Variants in SPI1 observed in about 807,000 individuals in gnomAD.
The protein encoded by SPI1 is transcription factor PU.1.
SPI1 carries 3 observed loss-of-function variants against 30.7 expected under a neutral mutation model. The ratio of observed to expected loss-of-function variants is 0.10; its 90% CI spans 0.04 to 0.25. SPI1 has a LOEUF of 0.25. Ranked by LOEUF, SPI1 falls within the 10% of genes least tolerant of loss-of-function variation. SPI1 has a pLI of 1.00. For missense variants in SPI1, 261 were observed against 371.5 expected (o/e 0.70, Z 2.45); for synonymous variants, 169 against 157.1 (o/e 1.08, Z -0.56).
chr11:47,372,893 C>T (rs2095937746), intron 2 of SPI1, among the ~76,000 whole-genome samples: 1 of 152,150 alleles, frequency 6.6e-6, no homozygotes, highest in Non-Finnish European at 1.5e-5. Flanking sequence ...GTTACTTGCC[C>T]CAAGTTTTCA....
intron 4 of SPI1, among the ~76,000 whole-genome samples, chr11:47,356,604 C>T (rs559781029): frequency 2.0e-5 from 3 of 151,296 alleles, no homozygotes; most frequent in Admixed American, 6.6e-5. Flanking sequence ...CATAATCACA[C>T]CTGCTTATAC....
chr11:47,357,085 C>A (rs1286030733), intron 4 of SPI1, among the ~76,000 whole-genome samples: 1 of 151,606 alleles, frequency 6.6e-6, no homozygotes, highest in African/African-American at 2.4e-5. Flanking sequence ...ACACTTCACA[C>A]ATGCTAACAC....
At chr11:47,362,279 G>A (rs1227930955) in intron 2 of SPI1, among the ~76,000 whole-genome samples, 4 of 152,008 alleles carry the variant, frequency 2.6e-5, no homozygotes, top group Non-Finnish European at 2.9e-5. Context: ...TTATTCTAAA[G>A]AGCCTAGATT....
At chr11:47,357,007 TCCTC>T (rs942552681) in intron 4 of SPI1, among the ~76,000 whole-genome samples, 17 of 144,936 alleles carry the variant, frequency 1.2e-4, no homozygotes, top group African/African-American at 4.4e-4. Flanking sequence ...TACACACACT[TCCTC>T]ACACACCTCA....
At chr11:47,366,569 A>G (rs1236879014) in intron 2 of SPI1, among the ~76,000 whole-genome samples, 1 of 152,140 alleles carries the variant, frequency 6.6e-6, no homozygotes, top group African/African-American at 2.4e-5. Context: ...AGACGTAGAA[A>G]CAGGCTCAGA....
chr11:47,373,609 C>T lies in SPI1; in HGVS notation c.142+2024G>A, dbSNP rs182765246. On this transcript the variant is annotated intron_variant, in intron 2 of 4. Coordinates refer to ENST00000378538, the MANE Select transcript of SPI1 (RefSeq NM_003120.3). Reference sequence around the variant, plus strand: ...GTTGCAGTGAGCCAAGATTGGGCCACTGCGCTCTAGCCTGGGCAACAGAGC... The same window carrying T: ...GTTGCAGTGAGCCAAGATTGGGCCATTGCGCTCTAGCCTGGGCAACAGAGC... Among the ~76,000 whole-genome samples the T allele has an allele frequency of 2.7e-3, 401 of 151,312 alleles. 2 individuals carry two copies. Among genetic ancestry groups the T allele is most frequent in the African/African-American group, 8.5e-3 (352 of 41,184 alleles).
At chr11:47,364,113 C>T (rs1300549401) in intron 2 of SPI1, among the ~76,000 whole-genome samples, 5 of 54,530 alleles carry the variant, frequency 9.2e-5, no homozygotes, top group African/African-American at 2.3e-4. Context: ...TGCAGTGGCA[C>T]GATCTTGGCT....
chr11:47,355,104 G>A lies in SPI1; in HGVS notation c.*123C>T, dbSNP rs1207207703. The A allele has an allele frequency of 4.2e-6, 3 of 714,086 alleles. No individual in the cohort carries two copies. 44.2% of individuals were successfully genotyped at this position (714,086 alleles called of 1,614,324 possible). On this transcript the variant is annotated 3_prime_UTR_variant, in exon 5 of 5. Transcript: ENST00000378538. ...TGGGGGGAGGGGGCGGGTGAGGCGAGGCCCGGCCCGCCACAGTCCTGCCTC... is the reference window on the plus strand; with the variant it reads ...TGGGGGGAGGGGGCGGGTGAGGCGAAGCCCGGCCCGCCACAGTCCTGCCTC...
chr11:47,372,614 G>A (rs779879674), intron 2 of SPI1, among the ~76,000 whole-genome samples: 1 of 152,154 alleles, frequency 6.6e-6, no homozygotes, highest in Non-Finnish European at 1.5e-5. Context: ...TGGATGTGGG[G>A]GTGGGTGGCA....
chr11:47,356,873 A>G (rs1419332932), intron 4 of SPI1, among the ~76,000 whole-genome samples: 1 of 138,398 alleles, frequency 7.2e-6, no homozygotes, highest in Non-Finnish European at 1.6e-5. Flanking sequence ...CACATCTCAC[A>G]TTACTCAGCT....
In SPI1 at chr11:47,360,049, G is replaced by T. The variant is rs777111732; in HGVS notation, c.143-9C>A. On this transcript the variant is annotated splice_polypyrimidine_tract_variant and intron_variant, in intron 2 of 4. Transcript: ENST00000378538. ...GAAGTCCCAGTAATGGTCTGTGGGG[G>T]ACAGCCAGGCAGTATGGGGTGAGCT... 5 of 1,546,236 alleles carry T rather than the reference G, an allele frequency of 3.2e-6. No homozygotes were observed.
chr11:47,355,914 G>A (rs146106334), intron 4 of SPI1, among the ~76,000 whole-genome samples: 227 of 143,600 alleles, frequency 1.6e-3, no homozygotes, highest in Middle Eastern at 4.2e-3. Context: ...CTCACACAAC[G>A]CACCTTCTCA....
intron 2 of SPI1, among the ~76,000 whole-genome samples, chr11:47,366,530 C>T (rs191304799): frequency 1.6e-4 from 24 of 152,186 alleles, no homozygotes; most frequent in African/African-American, 5.8e-4. Flanking sequence ...CTAGGGCTCC[C>T]GAAGCCCAGC....
chr11:47,367,344 A>T (rs2142891515), intron 2 of SPI1, among the ~76,000 whole-genome samples: 1 of 152,160 alleles, frequency 6.6e-6, no homozygotes, highest in East Asian at 1.9e-4. Flanking sequence ...ATTTTAGGTC[A>T]GGAGTTTGAG....
intron 2 of SPI1, among the ~76,000 whole-genome samples, chr11:47,371,857 C>T (rs1290192134): frequency 1.3e-5 from 2 of 152,164 alleles, no homozygotes; most frequent in Admixed American, 1.3e-4. Flanking sequence ...CCTTTGGCTT[C>T]CCTTTCTGTC....
In SPI1 at chr11:47,375,824, T is replaced by C; in HGVS notation, c.46-95A>G. On this transcript the variant is annotated intron_variant, in intron 1 of 4. Coordinates refer to ENST00000378538, the MANE Select transcript of SPI1 (RefSeq NM_003120.3). This position sits in a 1 kb window ranked among gnomAD's most constrained non-coding sequence, Gnocchi z 4.2. ...CACGCTGGGTCCCCATCACCTTCCC[T>C]GGCTCAGTGGCTGCGTTGGACCTAC... 1 of 948,990 alleles carries C rather than the reference T, an allele frequency of 1.1e-6. No individual in the cohort carries two copies. Among genetic ancestry groups the C allele is most frequent in the Non-Finnish European group, 1.7e-6 (1 of 580,052 alleles). The allele number at this position is 948,990 out of a possible 1,614,324, so 58.8% of individuals were successfully genotyped here.
At chr11:47,362,732 T>A (rs988982444) in intron 2 of SPI1, among the ~76,000 whole-genome samples, 2 of 151,954 alleles carry the variant, frequency 1.3e-5, no homozygotes, top group Non-Finnish European at 2.9e-5. Flanking sequence ...TGTACCACCA[T>A]GCCCAGCTAA....
intron 2 of SPI1, among the ~76,000 whole-genome samples, chr11:47,363,063 CTT>C (rs761531133): frequency 6.6e-6 from 1 of 152,116 alleles, no homozygotes; most frequent in Admixed American, 6.6e-5. Context: ...AGAGAAATAA[CTT>C]TAGGGGACCA....
chr11:47,358,800 A>T (rs1374496466), intron 4 of SPI1, 44 bp downstream of exon 4: 1 of 1,542,692 alleles, frequency 6.5e-7, no homozygotes, highest in Non-Finnish European at 8.8e-7. Context: ...CAGGGCACAG[A>T]CACGGCCAGG....
Sources: gnomAD v4.1 joint callset for allele counts (sites outside exome capture counted in the v4.1 genomes callset) on GRCh38, gnomAD v4.1.1 for gene constraint, Gnocchi (gnomAD v3.1) non-coding constraint, MANE v1.5 for transcripts, NCBI Gene and HGNC (gene_info 2026-07-23, HGNC 2026-07-21) for gene names.